The following AP3B1 variants were observed in gnomAD, a reference collection of about 807,000 sequenced individuals.
The protein encoded by AP3B1 is AP-3 complex subunit beta-1.
AP3B1 carries 61 observed loss-of-function variants against 132.5 expected under a neutral mutation model. The ratio of observed to expected loss-of-function variants is 0.46; its 90% CI spans 0.37 to 0.57. The LOEUF is 0.57. Among genes scored for constraint, AP3B1 ranks in the 20% least tolerant of loss-of-function variants. The pLI is 0.00. For missense variants in AP3B1, 1,120 were observed against 1,289.4 expected (o/e 0.87, Z 2.01); for synonymous variants, 388 against 438.3 (o/e 0.89, Z 1.43).
At chr5:78,243,142 C>G (rs1747215297) in intron 2 of AP3B1, among the ~76,000 whole-genome samples, 1 of 152,098 alleles carries the variant, frequency 6.6e-6, no homozygotes, top group Non-Finnish European at 1.5e-5. Context: ...TTTTGTGAAA[C>G]CTGCTGAGCA....
intron 18 of AP3B1, chr5:78,115,876 A>G (rs1751803269): frequency 2.2e-6 from 1 of 452,888 alleles, no homozygotes; most frequent in African/African-American, 2.0e-5. Flanking sequence ...TCAGAAAAGT[A>G]TGAGTTCCTG....
At chr5:78,112,437 G>A (rs1751633810) in intron 19 of AP3B1, among the ~76,000 whole-genome samples, 1 of 152,080 alleles carries the variant, frequency 6.6e-6, no homozygotes, top group Non-Finnish European at 1.5e-5. Flanking sequence ...ATTCAAACAT[G>A]GGTAAAGAGA....
chr5:78,280,281 C>A (rs949168930), intron 1 of AP3B1, among the ~76,000 whole-genome samples: 16 of 152,042 alleles, frequency 1.1e-4, no homozygotes, highest in Non-Finnish European at 2.4e-4. Context: ...CAATGGTAGT[C>A]TAAAACATCT....
At chr5:78,221,848 C>T (rs1228346534) in intron 6 of AP3B1, among the ~76,000 whole-genome samples, 2 of 151,946 alleles carry the variant, frequency 1.3e-5, no homozygotes, top group Non-Finnish European at 2.9e-5. Flanking sequence ...AGTACCAAGG[C>T]AAAACAATTG....
At chr5:78,222,061 T>A (rs1561485446) in intron 6 of AP3B1, 1 of 151,950 alleles carries the variant, frequency 6.6e-6, no homozygotes, top group African/African-American at 2.4e-5. Flanking sequence ...CAAGAGAAAT[T>A]AGAGTTCTAG....
chr5:78,105,049 A>G (rs937419462), intron 20 of AP3B1, among the ~76,000 whole-genome samples: 1 of 152,202 alleles, frequency 6.6e-6, no homozygotes, highest in Non-Finnish European at 1.5e-5. Context: ...TAAATACTTA[A>G]TATTTATTTC....
chr5:78,156,337 A>G lies in AP3B1; in HGVS notation c.1394T>C (p.Ile465Thr). The change falls in exon 14 of 27, where the codon ATA becomes ACA. Residue 465 changes from isoleucine to threonine, a missense_variant. By Grantham distance (89) the Ile-to-Thr change is moderately conservative (BLOSUM62 -1). Coordinates refer to ENST00000255194, the MANE Select transcript of AP3B1 (RefSeq NM_003664.5). ...EIVVAESVVV[I>T]KKLLQMQPAQ... is the part of the protein sequence containing the mutation. The stretch of plus-strand genomic sequence containing the variant: ...AGGTTGCATTTGCAGTAATTTCTTT[A>G]TAACAACCACACTTTCAGCAACAAC... 3 of 1,613,474 alleles carry G rather than the reference A, an allele frequency of 1.9e-6. No individual in the cohort carries two copies. Among genetic ancestry groups the G allele is most frequent in the Non-Finnish European group, 2.5e-6 (3 of 1,179,596 alleles).
intron 20 of AP3B1, among the ~76,000 whole-genome samples, chr5:78,109,521 T>A (rs1205658030): frequency 6.6e-6 from 1 of 152,144 alleles, no homozygotes; most frequent in Non-Finnish European, 1.5e-5. Flanking sequence ...AAGTCTAGCA[T>A]GAACATGGTC....
rs749432205 is a variant in AP3B1 at position 78,181,651 on chromosome 5, T to G, written c.798A>C (p.Leu266Phe). 1.2e-6 allele frequency: 2 copies of G among 1,612,114 alleles called. No homozygotes were observed. The highest frequency in any genetic ancestry group is 2.7e-5 in the African/African-American group (2 of 74,992). Residue 266 changes from leucine to phenylalanine, a missense_variant, in exon 8 of 27, where the codon TTA becomes TTC. Physicochemically the swap from Leu to Phe is conservative, Grantham distance 22 (BLOSUM62 0). This residue lies in a region of AP3B1 where 906 missense variants were observed against 997.1 expected (regional missense o/e 0.91). Coordinates refer to ENST00000255194, the MANE Select transcript of AP3B1 (RefSeq NM_003664.5). ...FVSPWKEGDE[L>F]EDNGKNFYES... is the part of the protein sequence containing the mutation. ...CGTAGAAATTCTTTCCATTGTCTTC[T>G]AATTCATCACCCTACAATGAAAGAA...
intron 22 of AP3B1, among the ~76,000 whole-genome samples, chr5:78,047,222 T>A (rs1561373047): frequency 6.6e-6 from 1 of 152,330 alleles, no homozygotes; most frequent in Middle Eastern, 3.4e-3. Context: ...TACCCAGTAA[T>A]GGGATTGCTG....
chr5:78,215,875 T>C (rs1374285991), intron 7 of AP3B1, among the ~76,000 whole-genome samples, 180 bp downstream of exon 7: 1 of 152,194 alleles, frequency 6.6e-6, no homozygotes, highest in Non-Finnish European at 1.5e-5. Context: ...GCCAAAATAA[T>C]GGATAATTAT....
chr5:78,280,960 T>C (rs10077229), intron 1 of AP3B1, among the ~76,000 whole-genome samples: 34,318 of 152,208 alleles, frequency 0.23, 4,543 homozygotes, highest in Middle Eastern at 0.31. Flanking sequence ...GTAAATTTAA[T>C]GTTATGTGTT....
intron 7 of AP3B1, among the ~76,000 whole-genome samples, chr5:78,194,861 G>A (rs1406228958): frequency 1.3e-5 from 2 of 152,024 alleles, no homozygotes. Flanking sequence ...ACTATTAAAT[G>A]AAAATGACTC....
At chr5:78,120,953 C>A (rs1295404802) in intron 17 of AP3B1, among the ~76,000 whole-genome samples, 3 of 152,184 alleles carry the variant, frequency 2.0e-5, no homozygotes, top group African/African-American at 7.2e-5. Context: ...GTAAAGCACT[C>A]CTCAGCAAAT....
At chr5:78,089,081 T>A in intron 22 of AP3B1, 1 of 195,914 alleles carries the variant, frequency 5.1e-6, no homozygotes, top group South Asian at 1.0e-4. Context: ...TGTAGACAAC[T>A]TTTTGTGGCA....
intron 17 of AP3B1, among the ~76,000 whole-genome samples, chr5:78,124,558 G>A (rs1752382557): frequency 6.6e-6 from 1 of 152,020 alleles, no homozygotes; most frequent in African/African-American, 2.4e-5. Flanking sequence ...CTGGGTGACA[G>A]AGCAAAATCA....
intron 20 of AP3B1, among the ~76,000 whole-genome samples, chr5:78,103,782 G>C (rs1201397833): frequency 6.6e-6 from 1 of 151,966 alleles, no homozygotes; most frequent in Non-Finnish European, 1.5e-5. Context: ...TTTTCAAAAT[G>C]CAATACAAAG....
intron 7 of AP3B1, among the ~76,000 whole-genome samples, chr5:78,202,016 C>G (rs1745310395): frequency 6.6e-6 from 1 of 152,140 alleles, no homozygotes; most frequent in South Asian, 2.1e-4. Flanking sequence ...CCACAATTGC[C>G]ATGTGTCGTG....
chr5:78,190,024 T>C (rs1299603228), intron 7 of AP3B1, among the ~76,000 whole-genome samples: 2 of 151,744 alleles, frequency 1.3e-5, no homozygotes, highest in African/African-American at 2.4e-5. Context: ...TCCACATGAT[T>C]CAATGATCTT....
Sources: gnomAD v4.1 joint callset for allele counts (sites outside exome capture counted in the v4.1 genomes callset) on GRCh38, gnomAD v4.1.1 for gene constraint, gnomAD v4.1.1 regional missense constraint, MANE v1.5 for transcripts, NCBI Gene and HGNC (gene_info 2026-07-23, HGNC 2026-07-21) for gene names.